Variants in FGF12 observed in about 807,000 individuals in gnomAD.
FGF12 encodes the protein fibroblast growth factor 12.
A neutral mutation model predicts 23.6 loss-of-function variants in FGF12; 14 were observed. The observed-to-expected ratio is 0.59, with a 90% CI of 0.39 to 0.93. The LOEUF (loss-of-function observed/expected upper bound fraction) is 0.93, where lower values mean the gene tolerates loss of function less well. FGF12 is among the 40% of genes least tolerant of loss of function. The pLI, the probability that FGF12 is intolerant of heterozygous loss-of-function variation, is 0.00. For synonymous variants in FGF12, 62 were observed against 77.3 expected, an observed-to-expected ratio of 0.80 and a Z score of 1.04; for missense variants, 175 against 217.8, an observed-to-expected ratio of 0.80 and a Z score of 1.24.
chr3:192,529,689 C>G (rs1051930406), intron 2 of FGF12, among the ~76,000 whole-genome samples: 3 of 152,120 alleles, frequency 2.0e-5, no homozygotes, highest in African/African-American at 7.2e-5. Context: ...CGGGGGGCAT[C>G]ACAATCAAGG....
rs978820086 is a variant in FGF12, at chr3:192,360,945, C to T, written c.14-407G>A. Among the ~76,000 whole-genome samples, 1 of 152,052 alleles carries T rather than the reference C, an allele frequency of 6.6e-6. No homozygotes were observed. The highest frequency in any genetic ancestry group is 1.5e-5 in the Non-Finnish European group (1 of 68,004). ...AGTAGCCATAACCAGGTCCATAAGA[C>T]TTCTATCTCTGCAGGATGTCAGCTC... is the stretch of plus-strand genomic sequence containing the variant. On this transcript the variant is annotated intron_variant, in intron 2 of 5. Transcript: ENST00000445105. The surrounding 1 kb of genome is among the most constrained non-coding windows in gnomAD (Gnocchi z 4.3).
chr3:192,384,410 G>A (rs1719954794), intron 2 of FGF12, among the ~76,000 whole-genome samples: 1 of 152,190 alleles, frequency 6.6e-6, no homozygotes. Context: ...GAAAGGTGAT[G>A]TATCTTCCCT....
At position 192,336,518 on chromosome 3, in the gene FGF12, G is replaced by T. The variant is rs1235846218; in HGVS notation, c.125-1054C>A. ...AATTCACATTGCATATGGAAGAAAA[G>T]CAATCATATAGTTAGGCTCTATAGA... On this transcript the variant is annotated intron_variant, in intron 3 of 5. Transcript: ENST00000445105. The surrounding 1 kb of genome is among the most constrained non-coding windows in gnomAD (Gnocchi z 4.3). Among the ~76,000 whole-genome samples, 3 of 152,056 alleles carry T rather than the reference G, an allele frequency of 2.0e-5. No homozygotes were observed. Among genetic ancestry groups the T allele is most frequent in the African/African-American group, 7.2e-5 (3 of 41,432 alleles).
chr3:192,308,620 C>T (rs1715777953), intron 4 of FGF12, among the ~76,000 whole-genome samples: 1 of 151,184 alleles, frequency 6.6e-6, no homozygotes, highest in African/African-American at 2.4e-5. Context: ...GCAGAGGTTG[C>T]AGTGAGCCGA....
At chr3:192,280,749 A>C (rs1344927961) in intron 4 of FGF12, among the ~76,000 whole-genome samples, 2 of 152,192 alleles carry the variant, frequency 1.3e-5, no homozygotes, top group East Asian at 3.8e-4. Flanking sequence ...GTGACAACAG[A>C]CCGTTGAGAG....
chr3:192,686,740 G>A (rs1717750251), intron 2 of FGF12, among the ~76,000 whole-genome samples: 2 of 146,760 alleles, frequency 1.4e-5, no homozygotes, highest in Admixed American at 6.8e-5. Flanking sequence ...ATATCTATAT[G>A]TAACAAAACT....
intron 2 of FGF12, among the ~76,000 whole-genome samples, chr3:192,504,717 C>G (rs916248562): frequency 3.3e-5 from 5 of 152,170 alleles, no homozygotes; most frequent in Non-Finnish European, 7.3e-5. Flanking sequence ...ATCTCTCTCA[C>G]ACTACTATTG....
intron 2 of FGF12, among the ~76,000 whole-genome samples, chr3:192,450,488 G>T (rs1239889059): frequency 1.3e-5 from 2 of 152,108 alleles, no homozygotes; most frequent in Non-Finnish European, 2.9e-5. Flanking sequence ...CTCAACACAG[G>T]ATACTGAGTA....
At chr3:192,366,577 T>C (rs1349642871) in intron 2 of FGF12, among the ~76,000 whole-genome samples, 1 of 152,286 alleles carries the variant, frequency 6.6e-6, no homozygotes, top group Non-Finnish European at 1.5e-5. Context: ...TTTTCATTTT[T>C]TGTTGAGATT....
At chr3:192,629,102 A>T (rs1411800850) in intron 2 of FGF12, among the ~76,000 whole-genome samples, 1 of 152,240 alleles carries the variant, frequency 6.6e-6, no homozygotes, top group African/African-American at 2.4e-5. Flanking sequence ...ATCATGACTG[A>T]CTATGAGGTT....
chr3:192,384,057 A>G (rs987398631), intron 2 of FGF12, among the ~76,000 whole-genome samples: 34 of 152,232 alleles, frequency 2.2e-4, no homozygotes, highest in African/African-American at 8.0e-4. Context: ...TTTCAAAAAC[A>G]GGAATTAACC....
At chr3:192,507,449 A>C (rs1175783648) in intron 2 of FGF12, among the ~76,000 whole-genome samples, 4 of 152,124 alleles carry the variant, frequency 2.6e-5, no homozygotes, top group African/African-American at 9.7e-5. Flanking sequence ...TCAGGATAAA[A>C]TAATGTACAT....
chr3:192,483,904 G>A (rs576827670), intron 2 of FGF12, among the ~76,000 whole-genome samples: 1 of 152,122 alleles, frequency 6.6e-6, no homozygotes, highest in Non-Finnish European at 1.5e-5. Context: ...CAGGCGTATT[G>A]CTGTACATAT....
chr3:192,437,162 G>C (rs1275949715), intron 2 of FGF12, among the ~76,000 whole-genome samples: 1 of 152,138 alleles, frequency 6.6e-6, no homozygotes, highest in Non-Finnish European at 1.5e-5. Context: ...TGGGAAAATG[G>C]AGGAAATAAA....
intron 2 of FGF12, among the ~76,000 whole-genome samples, chr3:192,715,684 G>C (rs988280015): frequency 6.6e-6 from 1 of 152,214 alleles, no homozygotes; most frequent in Admixed American, 6.5e-5. Flanking sequence ...CAATGTGATG[G>C]TAAAAGTAAA....
intron 4 of FGF12, among the ~76,000 whole-genome samples, chr3:192,207,797 G>C (rs1358171503): frequency 1.3e-5 from 2 of 152,170 alleles, no homozygotes; most frequent in African/African-American, 2.4e-5. Context: ...TGATGAATTA[G>C]AGTTGAGAGA....
chr3:192,686,456 G>T (rs1377832870), intron 2 of FGF12, among the ~76,000 whole-genome samples: 1 of 152,000 alleles, frequency 6.6e-6, no homozygotes, highest in Non-Finnish European at 1.5e-5. Flanking sequence ...GTCCAGTTTG[G>T]GCACCCACCA....
intron 5 of FGF12, among the ~76,000 whole-genome samples, chr3:192,158,372 T>TTCTTTCTTTCTTC (rs1553844105): frequency 8.2e-6 from 1 of 121,528 alleles, no homozygotes; most frequent in Non-Finnish European, 1.7e-5. Flanking sequence ...CTTTCTTTCT[T>TTCTTTCTTTCTTC]TCTTTCTTTC....
chr3:192,327,138 C>T (rs1365149621), intron 4 of FGF12, among the ~76,000 whole-genome samples: 1 of 152,162 alleles, frequency 6.6e-6, no homozygotes, highest in Non-Finnish European at 1.5e-5. Context: ...AGCTCTTCAT[C>T]AATATCTACT....
Sources: allele counts gnomAD v4.1 joint callset (sites outside exome capture counted in the v4.1 genomes callset), GRCh38; gene constraint gnomAD v4.1.1; non-coding constraint Gnocchi (gnomAD v3.1); transcripts MANE v1.5; gene names NCBI Gene and HGNC (gene_info 2026-07-23, HGNC 2026-07-21).